The following FNDC3A variants were observed in gnomAD, a reference collection of about 807,000 sequenced individuals.
FNDC3A encodes fibronectin type III domain containing 3A.
FNDC3A carries 32 observed loss-of-function variants against 148.9 expected under a neutral mutation model. The ratio of observed to expected loss-of-function variants is 0.21; its 90% CI spans 0.16 to 0.29. The LOEUF (loss-of-function observed/expected upper bound fraction) is 0.29. FNDC3A is among the 10% of genes least tolerant of loss of function. FNDC3A has a pLI of 1.00. For missense variants in FNDC3A, 1,191 were observed against 1,452.8 expected (o/e 0.82, Z 2.93); for synonymous variants, 472 against 473.6 (o/e 1.00, Z 0.04).
At chr13:49,034,570 A>C (rs955595101) in intron 2 of FNDC3A, among the ~76,000 whole-genome samples, 1 of 152,046 alleles carries the variant, frequency 6.6e-6, no homozygotes, top group East Asian at 1.9e-4. Flanking sequence ...TCTAAATTGC[A>C]ATATGAAAAC....
At chr13:48,980,918 A>C (rs928697287) in intron 1 of FNDC3A, among the ~76,000 whole-genome samples, 7 of 152,192 alleles carry the variant, frequency 4.6e-5, no homozygotes, top group African/African-American at 9.6e-5. Flanking sequence ...ATGGGAAGCA[A>C]CCTGGACAGA....
At chr13:49,083,527 G>A (rs1434140138) in intron 3 of FNDC3A, among the ~76,000 whole-genome samples, 2 of 151,754 alleles carry the variant, frequency 1.3e-5, no homozygotes, top group South Asian at 2.1e-4. Flanking sequence ...GACAAACTGG[G>A]ATTGTCCCAA....
intron 3 of FNDC3A, among the ~76,000 whole-genome samples, chr13:49,113,189 C>A (rs1880690437): frequency 6.6e-6 from 1 of 151,450 alleles, no homozygotes; most frequent in Non-Finnish European, 1.5e-5. Context: ...TTATCCCTCC[C>A]TTTTCTTCTC....
Position 49,201,838 on chromosome 13 carries a change from A to C in FNDC3A, c.3026A>C (p.Lys1009Thr). The change falls in exon 24 of 26, where the codon AAA becomes ACA. Residue 1009 changes from lysine to threonine, a missense_variant. This residue lies in a region of FNDC3A where 751 missense variants were observed against 944.0 expected (regional missense o/e 0.80). Coordinates refer to ENST00000492622, the MANE Select transcript of FNDC3A (RefSeq NM_001079673.2). The part of the protein sequence containing the change: ...SLYRGPCHTY[K>T]VQRLNESTSY... The stretch of plus-strand genomic sequence containing the variant: ...TACAGAGGACCATGTCATACATACA[A>C]AGTACAAAGACTTAATGAGTCAACA... The C allele has an allele frequency of 1.9e-6, 3 of 1,574,640 alleles. No individual in the cohort carries two copies. Among genetic ancestry groups the C allele is most frequent in the Non-Finnish European group, 2.6e-6 (3 of 1,158,976 alleles).
chr13:49,133,829 C>G (rs1349163638), intron 5 of FNDC3A, among the ~76,000 whole-genome samples: 1 of 152,210 alleles, frequency 6.6e-6, no homozygotes, highest in Non-Finnish European at 1.5e-5. Flanking sequence ...TTAACCCTCT[C>G]AGATCTATTC....
intron 11 of FNDC3A, among the ~76,000 whole-genome samples, chr13:49,173,663 T>A (rs981116793): frequency 2.0e-5 from 3 of 152,194 alleles, no homozygotes; most frequent in Non-Finnish European, 4.4e-5. Context: ...AGAGATGATA[T>A]GATTTTCTAC....
chr13:49,017,848 C>T (rs1872937039), intron 2 of FNDC3A, among the ~76,000 whole-genome samples: 1 of 151,946 alleles, frequency 6.6e-6, no homozygotes, highest in South Asian at 2.1e-4. Flanking sequence ...TTTTATTTCT[C>T]CTTCACTTAC....
chr13:49,155,217 G>C (rs561243043), intron 8 of FNDC3A, among the ~76,000 whole-genome samples: 21 of 152,056 alleles, frequency 1.4e-4, no homozygotes, highest in Admixed American at 1.3e-4. Flanking sequence ...GTCTATTCAG[G>C]GATTCACCTT....
intron 2 of FNDC3A, among the ~76,000 whole-genome samples, chr13:49,073,744 T>C (rs928090769): frequency 2.0e-5 from 3 of 146,628 alleles, no homozygotes; most frequent in Non-Finnish European, 4.5e-5. Context: ...ATATATAATA[T>C]ATGTGTATAT....
chr13:49,001,805 G>A (rs556664167), intron 1 of FNDC3A, among the ~76,000 whole-genome samples: 11 of 152,278 alleles, frequency 7.2e-5, no homozygotes, highest in African/African-American at 1.7e-4. Context: ...GTGCGTGCCC[G>A]AAACTTCATT....
chr13:49,135,421 C>T (rs1480395161), intron 5 of FNDC3A, among the ~76,000 whole-genome samples: 1 of 151,956 alleles, frequency 6.6e-6, no homozygotes, highest in Non-Finnish European at 1.5e-5. Context: ...GAAACTATTG[C>T]CAAATCCAAG....
At chr13:49,017,288 G>A (rs935945338) in intron 2 of FNDC3A, among the ~76,000 whole-genome samples, 2 of 152,150 alleles carry the variant, frequency 1.3e-5, no homozygotes, top group African/African-American at 2.4e-5. Context: ...TGGTGCTCCT[G>A]TATTGAGTGC....
rs1166963044 is a variant in FNDC3A at position 49,144,032 on chromosome 13, C to CTAATAA, written c.820-1730_820-1725dup. 3.5e-3 allele frequency among the ~76,000 whole-genome samples: 525 copies of CTAATAA among 149,934 alleles called. 3 individuals are homozygous for CTAATAA. The highest frequency in any genetic ancestry group is 0.012 in the African/African-American group (491 of 40,864). ...ACTACTGCTACTACTACTACTACTA[C>CTAATAA]TAATAATAATAATAATAATAAAGTA... is the stretch of plus-strand genomic sequence containing the variant. On this transcript the variant is annotated intron_variant, in intron 7 of 25. Transcript: ENST00000492622.
chr13:49,109,333 A>G (rs1880400050), intron 3 of FNDC3A, among the ~76,000 whole-genome samples: 1 of 152,226 alleles, frequency 6.6e-6, no homozygotes, highest in African/African-American at 2.4e-5. Context: ...TAACCTTGTC[A>G]CTGAAATAAG....
rs373846216 is a variant in FNDC3A, at chr13:49,136,520, G to C, written c.679G>C (p.Ala227Pro). Reference sequence around the variant, plus strand: ...TAATGGACTTATAAAAGGACAAATTGCTGGTGGTATAAACACAGGATCAGC... The same window carrying C: ...TAATGGACTTATAAAAGGACAAATTCCTGGTGGTATAAACACAGGATCAGC... ...EHNGLIKGQI[A>P]GGINTGSAKI... The change falls in exon 6 of 26, where the codon GCT (alanine) becomes CCT (proline). Residue 227 changes from alanine to proline, a missense_variant. Around this residue, in one of 3 missense-constraint regions of FNDC3A, gnomAD observed 426 missense variants for 473.2 expected, o/e 0.90. Coordinates refer to ENST00000492622, the MANE Select transcript of FNDC3A (RefSeq NM_001079673.2). The C allele has an allele frequency of 7.6e-5, 123 of 1,613,946 alleles. No homozygotes were observed. The highest frequency in any genetic ancestry group is 9.8e-5 in the Non-Finnish European group (116 of 1,179,974).
At chr13:49,150,886 A>G (rs1044517406) in intron 8 of FNDC3A, among the ~76,000 whole-genome samples, 4 of 149,532 alleles carry the variant, frequency 2.7e-5, no homozygotes, top group Non-Finnish European at 5.9e-5. Flanking sequence ...CAGAGGTTGC[A>G]GTGAGCCAAG....
intron 4 of FNDC3A, among the ~76,000 whole-genome samples, chr13:49,119,526 A>G (rs924635199): frequency 2.6e-5 from 4 of 152,094 alleles, no homozygotes; most frequent in Non-Finnish European, 5.9e-5. Context: ...GAAGGTGGGT[A>G]ATAACAAACT....
intron 8 of FNDC3A, among the ~76,000 whole-genome samples, chr13:49,152,187 C>T (rs1376219649): frequency 1.3e-5 from 2 of 152,204 alleles, no homozygotes; most frequent in African/African-American, 4.8e-5. Context: ...GTTTACACTA[C>T]CACCAACAGT....
chr13:49,111,725 CAA>C (rs1231985235), intron 3 of FNDC3A, among the ~76,000 whole-genome samples: 26 of 83,002 alleles, frequency 3.1e-4, no homozygotes, highest in Middle Eastern at 7.0e-3. Flanking sequence ...AACTCCGTCT[CAA>C]AAAAAAAAAA....
Sources: gnomAD v4.1 joint callset for allele counts (sites outside exome capture counted in the v4.1 genomes callset) on GRCh38, gnomAD v4.1.1 for gene constraint, gnomAD v4.1.1 regional missense constraint, MANE v1.5 for transcripts, NCBI Gene and HGNC (gene_info 2026-07-23, HGNC 2026-07-21) for gene names.